ADGRL2: variants seen among roughly 807,000 people sequenced by gnomAD.
The protein encoded by ADGRL2 is adhesion G protein-coupled receptor L2.
ADGRL2 carries 44 observed loss-of-function variants against 157.4 expected under a neutral mutation model. The observed-to-expected ratio is 0.28, with a 90% CI of 0.22 to 0.36. The LOEUF (loss-of-function observed/expected upper bound fraction) is 0.36. Among genes scored for constraint, ADGRL2 ranks in the 10% least tolerant of loss-of-function variants. ADGRL2 has a pLI of 1.00. For synonymous variants in ADGRL2, 585 were observed against 624.7 expected, an observed-to-expected ratio of 0.94 and a Z score of 0.95; for missense variants, 1,510 against 1,768.9, an observed-to-expected ratio of 0.85 and a Z score of 2.63.
chr1:81,474,822 A>C (rs2078239401), intron 2 of ADGRL2, among the ~76,000 whole-genome samples: 1 of 152,058 alleles, frequency 6.6e-6, no homozygotes, highest in Non-Finnish European at 1.5e-5. Flanking sequence ...TTGTTTTTTC[A>C]ATTACTGGTC....
At chr1:81,923,233 G>A (rs1306957516) in intron 3 of ADGRL2, among the ~76,000 whole-genome samples, 1 of 152,114 alleles carries the variant, frequency 6.6e-6, no homozygotes, top group East Asian at 1.9e-4. Context: ...GTTTTTAATT[G>A]TACAAACACA....
At chr1:81,464,207 C>G (rs1185106639) in intron 2 of ADGRL2, among the ~76,000 whole-genome samples, 1 of 152,066 alleles carries the variant, frequency 6.6e-6, no homozygotes, top group Non-Finnish European at 1.5e-5. Flanking sequence ...TGTAATACAG[C>G]CCCAAAGAAA....
At chr1:81,666,599 G>T (rs1300697835) in intron 3 of ADGRL2, among the ~76,000 whole-genome samples, 2 of 152,098 alleles carry the variant, frequency 1.3e-5, no homozygotes, top group East Asian at 3.8e-4. Flanking sequence ...CTCTCTAAGG[G>T]GGCCTGATGT....
At chr1:81,576,729 A>G (rs557795520) in intron 2 of ADGRL2, among the ~76,000 whole-genome samples, 1 of 152,234 alleles carries the variant, frequency 6.6e-6, no homozygotes, top group Non-Finnish European at 1.5e-5. Context: ...TAAAAATTTC[A>G]GTAAAGCAAT....
chr1:81,485,592 G>A (rs1439587261), intron 2 of ADGRL2, among the ~76,000 whole-genome samples: 1 of 152,116 alleles, frequency 6.6e-6, no homozygotes, highest in South Asian at 2.1e-4. Context: ...TTTCTAGAAT[G>A]CCTCAAGAAC....
At chr1:81,544,338 A>G (rs1413640268) in intron 2 of ADGRL2, among the ~76,000 whole-genome samples, 1 of 152,156 alleles carries the variant, frequency 6.6e-6, no homozygotes, top group Non-Finnish European at 1.5e-5. Context: ...TATTCTCCAT[A>G]TATATTTCTA....
chr1:81,836,793 T>C (rs866941200), intron 1 of ADGRL2, 92 bp from the exon 2 acceptor site: 1 of 441,306 alleles, frequency 2.3e-6, no homozygotes, highest in African/African-American at 2.1e-5. Flanking sequence ...ATATGTTTTA[T>C]ATTCAGGAGA....
chr1:81,318,211 A>T (rs1366405928), intron 1 of ADGRL2, among the ~76,000 whole-genome samples: 1 of 152,184 alleles, frequency 6.6e-6, no homozygotes, highest in Non-Finnish European at 1.5e-5. Context: ...TTATAAAAAT[A>T]CACCTGTACA....
At chr1:81,386,063 G>A (rs529961206) in intron 1 of ADGRL2, among the ~76,000 whole-genome samples, 31 of 151,912 alleles carry the variant, frequency 2.0e-4, no homozygotes, top group Non-Finnish European at 3.8e-4. Flanking sequence ...TTTAAATAGC[G>A]CAATCTATTA....
At chr1:81,428,345 A>G (rs2077257170) in intron 1 of ADGRL2, among the ~76,000 whole-genome samples, 1 of 152,100 alleles carries the variant, frequency 6.6e-6, no homozygotes, top group Non-Finnish European at 1.5e-5. Context: ...TAAAAAAAAA[A>G]AGAAAACCTC....
chr1:81,386,002 T>C (rs12404189), intron 1 of ADGRL2, among the ~76,000 whole-genome samples: 13,722 of 152,160 alleles, frequency 0.09, 784 homozygotes, highest in Admixed American at 0.18. Flanking sequence ...TTTAGGAACT[T>C]GTGGCTAATT....
chr1:81,380,072 C>T (rs1293978682), intron 1 of ADGRL2, among the ~76,000 whole-genome samples: 1 of 152,198 alleles, frequency 6.6e-6, no homozygotes, highest in Non-Finnish European at 1.5e-5. Context: ...CTTTCCCTAA[C>T]ACGCAAAAAA....
intron 2 of ADGRL2, among the ~76,000 whole-genome samples, chr1:81,506,742 CAAAACAAAACAAAAA>C (rs933356295): frequency 2.6e-5 from 4 of 151,132 alleles, no homozygotes; most frequent in East Asian, 2.0e-4. Flanking sequence ...CAAAACAAAA[CAAAACAAAACAAAAA>C]ACCAGACAAT....
chr1:81,479,744 A>C (rs74094016), intron 2 of ADGRL2, among the ~76,000 whole-genome samples: 13,171 of 152,132 alleles, frequency 0.087, 833 homozygotes, highest in East Asian at 0.29. Flanking sequence ...CAGTGGAGGA[A>C]ACATTTCCCA....
At chr1:81,328,657 A>C (rs1661061251) in intron 1 of ADGRL2, among the ~76,000 whole-genome samples, 1 of 152,246 alleles carries the variant, frequency 6.6e-6, no homozygotes, top group South Asian at 2.1e-4. Context: ...TTCCACTCAG[A>C]TAAAGAAGAC....
At chr1:81,504,767 G>T (rs921254159) in intron 2 of ADGRL2, among the ~76,000 whole-genome samples, 7 of 152,132 alleles carry the variant, frequency 4.6e-5, no homozygotes, top group African/African-American at 1.7e-4. Flanking sequence ...GACCAGGGAG[G>T]CAGAGGACAC....
intron 1 of ADGRL2, among the ~76,000 whole-genome samples, chr1:81,719,745 G>T (rs1228544508): frequency 6.6e-6 from 1 of 152,042 alleles, no homozygotes; most frequent in African/African-American, 2.4e-5. Flanking sequence ...GGATATGATG[G>T]TTCTTTGTAT....
intron 3 of ADGRL2, among the ~76,000 whole-genome samples, chr1:81,923,702 G>C (rs2095041351): frequency 6.6e-6 from 1 of 152,084 alleles, no homozygotes; most frequent in African/African-American, 2.4e-5. Context: ...GGAAGATTGA[G>C]AATTCCAACT....
chr1:81,561,466 G>GTT (rs1426441738), intron 2 of ADGRL2, among the ~76,000 whole-genome samples: 42 of 126,966 alleles, frequency 3.3e-4, no homozygotes, highest in African/African-American at 1.1e-3. Flanking sequence ...TGTTGTTTTT[G>GTT]TTTTTTTTTT....
Sources: gnomAD v4.1 joint callset for allele counts (sites outside exome capture counted in the v4.1 genomes callset) on GRCh38, gnomAD v4.1.1 for gene constraint, MANE v1.5 for transcripts, NCBI Gene and HGNC (gene_info 2026-07-23, HGNC 2026-07-21) for gene names.